The following MYO16 variants were observed in gnomAD, a reference collection of about 807,000 sequenced individuals.
MYO16 encodes the protein myosin XVI.
Under a neutral mutation model 205.3 loss-of-function variants are expected in MYO16, and 94 were observed. That is an observed-to-expected ratio of 0.46 (90% CI 0.39 to 0.54). The LOEUF (loss-of-function observed/expected upper bound fraction) is 0.54. Ranked by LOEUF, MYO16 falls within the 20% of genes least tolerant of loss-of-function variation. The probability of loss-of-function intolerance (pLI) is 0.00; values close to 1 mark genes in which losing one functional copy is unlikely to be tolerated. For missense variants in MYO16, 2,315 were observed against 2,387.5 expected (o/e 0.97, Z 0.63); for synonymous variants, 988 against 954.0 (o/e 1.04, Z -0.66).
intron 16 of MYO16, among the ~76,000 whole-genome samples, chr13:108,943,464 T>G (rs1882811174): frequency 6.6e-6 from 1 of 152,176 alleles, no homozygotes; most frequent in Admixed American, 6.5e-5. Context: ...TTTTATTTTT[T>G]TTATTTTTTT....
chr13:108,759,687 G>A (rs565295391), intron 4 of MYO16, among the ~76,000 whole-genome samples: 139 of 151,204 alleles, frequency 9.2e-4, no homozygotes, highest in Admixed American at 1.6e-3. Flanking sequence ...CAGGCGTGGG[G>A]GCAGGCGCCT....
At chr13:108,771,107 A>G (rs917108567) in intron 4 of MYO16, among the ~76,000 whole-genome samples, 3 of 152,200 alleles carry the variant, frequency 2.0e-5, no homozygotes, top group African/African-American at 7.2e-5. Context: ...GGACTATAAA[A>G]ACAGAGGACT....
In MYO16 at chr13:108,908,972, C is replaced by CAAAA. The variant is rs201906153; in HGVS notation, c.1778-1026_1778-1023dup. On this transcript the variant is annotated intron_variant, in intron 15 of 34. Transcript: ENST00000457511. ...TGGGCAATAGAGTGAGACTGTGTCT[C>CAAAA]AAAAAAAATAAAATAAAATAAATAA... Among the ~76,000 whole-genome samples, 13 of 111,664 alleles carry CAAAA rather than the reference C, an allele frequency of 1.2e-4. No individual in the cohort carries two copies. In the East Asian group the frequency reaches 1.8e-3, roughly 16 times the overall value. The allele number at this position is 111,664 out of a possible 152,430, so 73.3% of individuals were successfully genotyped here.
At chr13:108,736,184 G>A (rs926708919) in intron 4 of MYO16, among the ~76,000 whole-genome samples, 14 of 152,204 alleles carry the variant, frequency 9.2e-5, no homozygotes, top group African/African-American at 2.2e-4. Flanking sequence ...TTTTGTTGCT[G>A]TTGCTTTTGA....
intron 1 of MYO16, among the ~76,000 whole-genome samples, chr13:108,636,354 T>TG: frequency 1.4e-4 from 4 of 27,814 alleles, no homozygotes; most frequent in Non-Finnish European, 2.6e-4. Flanking sequence ...CCCTTTTTTT[T>TG]TTTTTTTTTT....
intron 16 of MYO16, among the ~76,000 whole-genome samples, chr13:108,930,449 A>G (rs1014266978): frequency 3.3e-5 from 5 of 152,248 alleles, no homozygotes; most frequent in African/African-American, 1.2e-4. Flanking sequence ...CTAGCAGTCC[A>G]TTAAATACTC....
At chr13:108,630,801 G>T (rs1879946962) in intron 1 of MYO16, among the ~76,000 whole-genome samples, 1 of 152,136 alleles carries the variant, frequency 6.6e-6, no homozygotes, top group South Asian at 2.1e-4. Context: ...TGCACTAAAG[G>T]AGACTAAAAA....
At chr13:109,163,369 A>G (rs980152241) in intron 32 of MYO16, among the ~76,000 whole-genome samples, 3 of 152,150 alleles carry the variant, frequency 2.0e-5, no homozygotes, top group Non-Finnish European at 4.4e-5. Flanking sequence ...CTCGAGAGGC[A>G]AGAGGAGATA....
the MYO16 span, among the ~76,000 whole-genome samples, chr13:108,538,737 T>C: frequency 6.6e-6 from 1 of 152,138 alleles, no homozygotes; most frequent in African/African-American, 2.4e-5. Context: ...TTTATTTCTG[T>C]GTCCCTAGTG....
intron 27 of MYO16, among the ~76,000 whole-genome samples, chr13:109,086,812 T>C (rs1378118540): frequency 6.6e-6 from 1 of 152,174 alleles, no homozygotes; most frequent in Non-Finnish European, 1.5e-5. Context: ...GCAACAGATC[T>C]ATATTTAAAG....
intron 2 of MYO16, among the ~76,000 whole-genome samples, chr13:108,698,194 A>T (rs1019488003): frequency 2.0e-4 from 30 of 152,112 alleles, no homozygotes; most frequent in African/African-American, 7.2e-4. Flanking sequence ...ATCACGCCCA[A>T]CTGGGGTCAG....
chr13:109,125,365 G>A lies in MYO16; in HGVS notation c.3782+7G>A, dbSNP rs1174075185. ...AAGAGGAAGGAAGCAAAAGGTAAAG[G>A]CAGAGAGCATGCAATTTTAATTACC... On this transcript the variant is annotated splice_region_variant and intron_variant, in intron 30 of 34. Coordinates refer to ENST00000457511, the MANE Select transcript of MYO16 (RefSeq NM_001198950.3). The surrounding 1 kb of genome is among the most constrained non-coding windows in gnomAD (Gnocchi z 4.0). The A allele has an allele frequency of 6.2e-7, 1 of 1,613,570 alleles. No homozygotes were observed. The highest frequency in any genetic ancestry group is 1.1e-5 in the South Asian group (1 of 90,954).
chr13:109,122,042 C>G (rs1876015847), intron 29 of MYO16, among the ~76,000 whole-genome samples: 1 of 152,214 alleles, frequency 6.6e-6, no homozygotes, highest in Non-Finnish European at 1.5e-5. Context: ...TGCCCCAACC[C>G]ATGTGTCCCT....
chr13:108,755,201 CTG>C (rs1278689767), intron 4 of MYO16, among the ~76,000 whole-genome samples: 2 of 151,784 alleles, frequency 1.3e-5, no homozygotes, highest in Non-Finnish European at 2.9e-5. Flanking sequence ...TCACAGCACT[CTG>C]TGGTGTAGCA....
At chr13:108,553,954 CT>C in the MYO16 span, among the ~76,000 whole-genome samples, 1 of 152,210 alleles carries the variant, frequency 6.6e-6, no homozygotes. Flanking sequence ...CTGTCTCCCC[CT>C]GTGCTCCTTC....
intron 2 of MYO16, among the ~76,000 whole-genome samples, chr13:108,676,406 T>TGTGTGC (rs1014807300): frequency 1.7e-4 from 25 of 148,868 alleles, no homozygotes; most frequent in East Asian, 9.8e-4. Flanking sequence ...TGTGTGTGTG[T>TGTGTGC]GCCAGCCATC....
rs1373040538 is a variant in MYO16, at chr13:108,824,221, T to C, written c.1097+943T>C. Among the ~76,000 whole-genome samples the C allele has an allele frequency of 2.0e-5, 3 of 152,062 alleles. No homozygotes were observed. In the East Asian group the frequency reaches 5.8e-4, roughly 29 times the overall value. On this transcript the variant is annotated intron_variant, in intron 9 of 34. Coordinates refer to ENST00000457511, the MANE Select transcript of MYO16 (RefSeq NM_001198950.3). ...TAGCACCTGTAAAATTACTGAAAGATAAATTATTAAACATTGGAAAGCTTG... is the reference window on the plus strand; with the variant it reads ...TAGCACCTGTAAAATTACTGAAAGACAAATTATTAAACATTGGAAAGCTTG...
intron 2 of MYO16, among the ~76,000 whole-genome samples, chr13:108,676,585 C>T (rs1448313759): frequency 1.3e-5 from 2 of 152,242 alleles, no homozygotes; most frequent in South Asian, 2.1e-4. Context: ...CAGGGTGGGT[C>T]CCCATCCAAG....
intron 9 of MYO16, among the ~76,000 whole-genome samples, chr13:108,828,197 G>T (rs973854472): frequency 2.0e-5 from 3 of 152,108 alleles, no homozygotes; most frequent in Admixed American, 2.0e-4. Context: ...CTCATGCCAG[G>T]CGTGTGCTAA....
Sources: gnomAD v4.1 joint callset for allele counts (sites outside exome capture counted in the v4.1 genomes callset) on GRCh38, gnomAD v4.1.1 for gene constraint, Gnocchi (gnomAD v3.1) non-coding constraint, MANE v1.5 for transcripts, NCBI Gene and HGNC (gene_info 2026-07-23, HGNC 2026-07-21) for gene names.